Variants in TTC6 observed in about 807,000 individuals in gnomAD.
TTC6 encodes tetratricopeptide repeat protein 6.
A neutral mutation model predicts 210.4 loss-of-function variants in TTC6; 172 were observed. That is an observed-to-expected ratio of 0.82 (90% CI 0.72 to 0.93). TTC6 has a LOEUF of 0.93. Ranked by LOEUF, TTC6 falls within the 40% of genes least tolerant of loss-of-function variation. TTC6 has a pLI of 0.00. For synonymous variants in TTC6, 804 were observed against 819.6 expected, an observed-to-expected ratio of 0.98 and a Z score of 0.32; for missense variants, 2,414 against 2,318.1, an observed-to-expected ratio of 1.04 and a Z score of -0.85.
intron 25 of TTC6, among the ~76,000 whole-genome samples, chr14:37,813,590 TAC>T (rs1389235057): frequency 1.3e-5 from 2 of 152,204 alleles, no homozygotes; most frequent in Non-Finnish European, 2.9e-5. Flanking sequence ...AATTGTAACT[TAC>T]AGAGGAAGAA....
At chr14:37,609,942 G>A (rs1400159035) in intron 2 of TTC6, among the ~76,000 whole-genome samples, 1 of 152,162 alleles carries the variant, frequency 6.6e-6, no homozygotes, top group Non-Finnish European at 1.5e-5. Flanking sequence ...CAGTAAAATC[G>A]CAGGGTTGGC....
chr14:37,683,444 T>TA (rs2138566617), intron 3 of TTC6, among the ~76,000 whole-genome samples: 1 of 152,296 alleles, frequency 6.6e-6, no homozygotes, highest in East Asian at 1.9e-4. Context: ...ACCCTGCCTT[T>TA]ACTGTAGGGT....
chr14:37,597,053 C>T (rs190975645), intron 1 of TTC6, among the ~76,000 whole-genome samples: 1 of 148,238 alleles, frequency 6.7e-6, no homozygotes, highest in African/African-American at 2.5e-5. Flanking sequence ...AGAAACGTCA[C>T]ATCATAAGGA....
At chr14:37,745,776 A>C (rs1325222922) in intron 10 of TTC6, among the ~76,000 whole-genome samples, 2 of 152,162 alleles carry the variant, frequency 1.3e-5, no homozygotes, top group African/African-American at 2.4e-5. Flanking sequence ...CCCCTTTCTC[A>C]TACCTTTAGA....
intron 1 of TTC6, among the ~76,000 whole-genome samples, chr14:37,604,003 C>T (rs892836499): frequency 1.3e-5 from 2 of 152,178 alleles, no homozygotes; most frequent in African/African-American, 4.8e-5. Flanking sequence ...AAAGATCCCC[C>T]ACAATTCTGG....
chr14:37,706,853 C>T (rs1000904057), intron 5 of TTC6, among the ~76,000 whole-genome samples: 10 of 151,798 alleles, frequency 6.6e-5, no homozygotes, highest in Non-Finnish European at 1.3e-4. Context: ...TTAGTTGTGT[C>T]CCTTGTAGAT....
intron 3 of TTC6, among the ~76,000 whole-genome samples, chr14:37,687,444 C>G (rs1273909613): frequency 1.3e-5 from 2 of 152,092 alleles, no homozygotes; most frequent in African/African-American, 2.4e-5. Context: ...TAGGGTTGAA[C>G]TGGGCTCAGA....
chr14:37,743,738 C>G (rs558839232), intron 10 of TTC6, among the ~76,000 whole-genome samples: 1 of 152,256 alleles, frequency 6.6e-6, no homozygotes, highest in Non-Finnish European at 1.5e-5. Context: ...TTAGAGGACC[C>G]CTCATTCAAC....
chr14:37,827,300 C>T, exon 29 of TTC6: 1 of 1,613,292 alleles, frequency 6.2e-7, no homozygotes, highest in East Asian at 2.2e-5. Context: ...TTACTCTAAA[C>T]CCCAAGTACT....
At chr14:37,716,335 C>T (rs1477403960) in intron 6 of TTC6, among the ~76,000 whole-genome samples, 2 of 152,030 alleles carry the variant, frequency 1.3e-5, no homozygotes, top group Admixed American at 1.3e-4. Context: ...TCTAAAATGA[C>T]AGACTTAAAC....
intron 14 of TTC6, among the ~76,000 whole-genome samples, chr14:37,779,734 T>A (rs1288508442): frequency 2.0e-5 from 3 of 152,200 alleles, no homozygotes. Context: ...TCTGGTTATC[T>A]ACTTCTTCAA....
At position 37,717,229 on chromosome 14, in the gene TTC6, A is replaced by G. The variant is rs187743631; in HGVS notation, c.1713+2433A>G. 5.1e-4 allele frequency among the ~76,000 whole-genome samples: 77 copies of G among 152,116 alleles called. 1 individual carries two copies. The East Asian group carries it at 0.014, about 28-fold the overall frequency. ...AGGAATAAAAGCAGAAATCAATGAAATTGAAAACAGAAAAACAGTAAGGAA... is the reference window on the plus strand; with the variant it reads ...AGGAATAAAAGCAGAAATCAATGAAGTTGAAAACAGAAAAACAGTAAGGAA... On this transcript the variant is annotated intron_variant, in intron 6 of 30. Coordinates refer to ENST00000553443, the Ensembl canonical transcript of TTC6.
At chr14:37,629,759 T>C (rs2095666220) in intron 1 of TTC6, among the ~76,000 whole-genome samples, 1 of 152,210 alleles carries the variant, frequency 6.6e-6, no homozygotes. Context: ...TAAATAGCTC[T>C]TATTATTTTG....
chr14:37,753,726 A>G (rs934282128), intron 14 of TTC6, among the ~76,000 whole-genome samples: 1 of 145,498 alleles, frequency 6.9e-6, no homozygotes, highest in African/African-American at 2.5e-5. Context: ...GTGCTTCCAC[A>G]GCCAGTTAAT....
chr14:37,757,791 A>G (rs567463669), intron 14 of TTC6, among the ~76,000 whole-genome samples: 54 of 152,050 alleles, frequency 3.6e-4, no homozygotes, highest in African/African-American at 1.2e-3. Context: ...TGTCGATTTT[A>G]GATTGTTCCT....
intron 14 of TTC6, among the ~76,000 whole-genome samples, chr14:37,760,211 ATGT>A (rs2095979983): frequency 6.6e-6 from 1 of 151,134 alleles, no homozygotes; most frequent in Non-Finnish European, 1.5e-5. Context: ...GTTGATGTTG[ATGT>A]TGTTGCTTTC....
intron 14 of TTC6, among the ~76,000 whole-genome samples, chr14:37,779,683 T>C (rs1424137223): frequency 2.0e-5 from 3 of 152,242 alleles, no homozygotes; most frequent in Non-Finnish European, 4.4e-5. Flanking sequence ...GGCAAAATTT[T>C]TTGAAACTCT....
intron 1 of TTC6, among the ~76,000 whole-genome samples, chr14:37,674,943 A>G (rs2138506792): frequency 6.6e-6 from 1 of 152,212 alleles, no homozygotes; most frequent in East Asian, 1.9e-4. Context: ...TGGGCAATGT[A>G]GTAACTATCA....
intron 2 of TTC6, among the ~76,000 whole-genome samples, chr14:37,614,190 A>G (rs1297522955): frequency 6.6e-6 from 1 of 152,078 alleles, no homozygotes; most frequent in Non-Finnish European, 1.5e-5. Flanking sequence ...AGATTTAATA[A>G]TATCTTTTGT....
Sources: allele counts gnomAD v4.1 joint callset (sites outside exome capture counted in the v4.1 genomes callset), GRCh38; gene constraint gnomAD v4.1.1; transcripts MANE v1.5; gene names NCBI Gene and HGNC (gene_info 2026-07-23, HGNC 2026-07-21).